The following UBR1 variants were observed in gnomAD, a reference collection of about 807,000 sequenced individuals.
The protein encoded by UBR1 is E3 ubiquitin-protein ligase UBR1.
UBR1 carries 102 observed loss-of-function variants against 242.1 expected under a neutral mutation model. The ratio of observed to expected loss-of-function variants is 0.42; its 90% CI spans 0.36 to 0.50. The LOEUF (loss-of-function observed/expected upper bound fraction) is 0.50, where lower values mean the gene tolerates loss of function less well. Ranked by LOEUF, UBR1 falls within the 20% of genes least tolerant of loss-of-function variation. UBR1 has a pLI of 0.01. For synonymous variants in UBR1, 675 were observed against 684.8 expected, an observed-to-expected ratio of 0.99 and a Z score of 0.22; for missense variants, 1,772 against 2,101.8, an observed-to-expected ratio of 0.84 and a Z score of 3.07.
At chr15:43,010,151 C>T (rs1029641939) in intron 29 of UBR1, among the ~76,000 whole-genome samples, 2 of 152,306 alleles carry the variant, frequency 1.3e-5, no homozygotes, top group African/African-American at 2.4e-5. Context: ...GGATTACAGG[C>T]GTAAGCCACT....
chr15:43,004,584 T>A (rs2032776581), intron 30 of UBR1, among the ~76,000 whole-genome samples: 1 of 152,264 alleles, frequency 6.6e-6, no homozygotes, highest in Non-Finnish European at 1.5e-5. Context: ...TTTCGCCCTG[T>A]TGGCCGGGCT....
At chr15:43,058,167 C>T (rs1368134663) in intron 10 of UBR1, among the ~76,000 whole-genome samples, 174 bp downstream of exon 10, 1 of 152,166 alleles carries the variant, frequency 6.6e-6, no homozygotes, top group Non-Finnish European at 1.5e-5. Context: ...ACCTCAGCCT[C>T]CCAAAGTGCT....
chr15:43,018,939 C>T (rs949989863), intron 27 of UBR1, among the ~76,000 whole-genome samples: 1 of 152,152 alleles, frequency 6.6e-6, no homozygotes, highest in Admixed American at 6.5e-5. Flanking sequence ...AATGGTACCT[C>T]GATTTACTTT....
rs775322814 is a variant in UBR1 at position 43,024,909 on chromosome 15, T to A, written c.2659A>T (p.Met887Leu). The change falls in exon 25 of 47, where the codon ATG becomes TTG. Residue 887 changes from methionine to leucine, a missense_variant. By Grantham distance (15) the Met-to-Leu change is conservative. Around this residue, in one of 3 missense-constraint regions of UBR1, gnomAD observed 965 missense variants for 1,079.7 expected, o/e 0.89. Coordinates refer to ENST00000290650, the MANE Select transcript of UBR1 (RefSeq NM_174916.3). ...AATACGGTCCTGAGAATGTACATCA[T>A]GATATCACAGTTGAGAAGGTTAATC... is the stretch of plus-strand genomic sequence containing the variant. ...KVINLLNCDI[M>L]MYILRTVFER... is the part of the protein sequence containing the mutation. The A allele has an allele frequency of 6.2e-5, 100 of 1,614,044 alleles. No individual in the cohort carries two copies. In the South Asian group the frequency reaches 1.1e-3, roughly 17 times the overall value.
chr15:42,970,390 C>G (rs1263367873), intron 40 of UBR1, 130 bp downstream of exon 40: 2 of 979,642 alleles, frequency 2.0e-6, no homozygotes, highest in African/African-American at 3.2e-5. Flanking sequence ...CATAAAAACC[C>G]TACAAGAAAA....
intron 20 of UBR1, among the ~76,000 whole-genome samples, chr15:43,030,837 C>CT (rs1222285302): frequency 6.6e-5 from 10 of 152,184 alleles, no homozygotes; most frequent in Admixed American, 6.5e-4. Flanking sequence ...AACCCCTTGC[C>CT]TAAGAGATTT....
chr15:42,969,588 G>C (rs1844451239), intron 40 of UBR1, among the ~76,000 whole-genome samples: 1 of 151,998 alleles, frequency 6.6e-6, no homozygotes, highest in Non-Finnish European at 1.5e-5. Flanking sequence ...TGAAGTCTTT[G>C]CCCATGCCTA....
At chr15:43,075,727 T>C (rs578181727) in intron 3 of UBR1, among the ~76,000 whole-genome samples, 19 of 151,870 alleles carry the variant, frequency 1.3e-4, no homozygotes, top group South Asian at 1.0e-3. Context: ...GCGATTCTCC[T>C]GCCTCAGCCT....
At chr15:43,016,072 T>C (rs1279691866) in intron 28 of UBR1, among the ~76,000 whole-genome samples, 1 of 152,196 alleles carries the variant, frequency 6.6e-6, no homozygotes, top group Non-Finnish European at 1.5e-5. Flanking sequence ...TTTAAATAAT[T>C]TACTGTAAAA....
intron 1 of UBR1, among the ~76,000 whole-genome samples, chr15:43,099,146 G>C (rs188628151): frequency 6.6e-6 from 1 of 152,006 alleles, no homozygotes; most frequent in Non-Finnish European, 1.5e-5. Flanking sequence ...AGACCAGCCC[G>C]GCCAACACGG....
In UBR1 at chr15:42,952,269, A is replaced by T. The variant is rs750616369; in HGVS notation, c.5006+9T>A. On this transcript the variant is annotated intron_variant, in intron 45 of 46. Coordinates refer to ENST00000290650, the MANE Select transcript of UBR1 (RefSeq NM_174916.3). Reference sequence around the variant, plus strand: ...TCATCATGAAGCTTCCAGAACACTCACTACTCACTTTAGGAAAATGCAGAC... The same window carrying T: ...TCATCATGAAGCTTCCAGAACACTCTCTACTCACTTTAGGAAAATGCAGAC... 2.5e-6 allele frequency: 4 copies of T among 1,614,178 alleles called. No individual in the cohort carries two copies. The highest frequency in any genetic ancestry group is 3.4e-6 in the Non-Finnish European group (4 of 1,180,030).
intron 22 of UBR1, among the ~76,000 whole-genome samples, chr15:43,027,223 T>C (rs1348217234): frequency 6.6e-6 from 1 of 152,096 alleles, no homozygotes. Context: ...TCAATGAACA[T>C]TACTAGATCA....
At chr15:43,014,353 A>T (rs1390473275) in intron 29 of UBR1, among the ~76,000 whole-genome samples, 2 of 144,740 alleles carry the variant, frequency 1.4e-5, no homozygotes, top group Non-Finnish European at 3.0e-5. Flanking sequence ...ATCGTCTGGG[A>T]TGTGAGGAGC....
chr15:43,054,025 G>A (rs535791311), intron 12 of UBR1, among the ~76,000 whole-genome samples: 74 of 152,216 alleles, frequency 4.9e-4, no homozygotes, highest in African/African-American at 1.7e-3. Flanking sequence ...CACAAATACG[G>A]AGGATCAACT....
chr15:43,051,014 T>C (rs1054617151), intron 12 of UBR1, among the ~76,000 whole-genome samples: 1 of 152,218 alleles, frequency 6.6e-6, no homozygotes, highest in Non-Finnish European at 1.5e-5. Flanking sequence ...GAAGACAGTG[T>C]GACAATTCCT....
intron 40 of UBR1, among the ~76,000 whole-genome samples, chr15:42,968,820 A>G (rs951363022): frequency 6.6e-6 from 1 of 152,080 alleles, no homozygotes; most frequent in African/African-American, 2.4e-5. Context: ...TTCCAGCTTC[A>G]TCCATATCCC....
chr15:42,957,181 ATTAT>A (rs1004952182), intron 44 of UBR1, among the ~76,000 whole-genome samples: 6 of 152,226 alleles, frequency 3.9e-5, no homozygotes, highest in Non-Finnish European at 8.8e-5. Flanking sequence ...ACAATGGAAT[ATTAT>A]TTAGTCAAAA....
chr15:43,049,071 T>C (rs113228403), intron 12 of UBR1, among the ~76,000 whole-genome samples: 78 of 152,344 alleles, frequency 5.1e-4, no homozygotes, highest in African/African-American at 1.8e-3. Context: ...ATGGGAACAA[T>C]GTTTATCATG....
intron 36 of UBR1, among the ~76,000 whole-genome samples, chr15:42,984,627 TAACA>T (rs527816052): frequency 2.5e-4 from 38 of 152,316 alleles, no homozygotes; most frequent in African/African-American, 7.0e-4. Context: ...TTTTGAAATG[TAACA>T]AACAAAGGGA....
Sources: allele counts gnomAD v4.1 joint callset (sites outside exome capture counted in the v4.1 genomes callset), GRCh38; gene constraint gnomAD v4.1.1; regional missense constraint gnomAD v4.1.1; transcripts MANE v1.5; gene names NCBI Gene and HGNC (gene_info 2026-07-23, HGNC 2026-07-21).